Variants in HYDIN observed in about 807,000 individuals in gnomAD.
HYDIN encodes HYDIN axonemal central pair apparatus protein, also known as axonemal central pair apparatus protein HYDIN.
In HYDIN, 132 loss-of-function variants were observed where a neutral mutation model predicts 403.9. The ratio of observed to expected loss-of-function variants is 0.33; its 90% confidence interval spans 0.28 to 0.38. The LOEUF is 0.38. Among genes scored for constraint, HYDIN ranks in the 10% least tolerant of loss-of-function variants. The pLI is 1.00. For synonymous variants in HYDIN, 1,202 were observed against 1,891.7 expected (o/e 0.64, Z 9.46); for missense variants, 2,827 against 5,009.5 (o/e 0.56, Z 13.15).
chr16:70,891,031 C>T (rs1436805814), intron 57 of HYDIN, among the ~76,000 whole-genome samples: 1 of 151,146 alleles, frequency 6.6e-6, no homozygotes, highest in Non-Finnish European at 1.5e-5. Flanking sequence ...GCCAGGAGCA[C>T]CAGGACAACA....
intron 1 of HYDIN, among the ~76,000 whole-genome samples, chr16:71,216,146 T>C (rs747644860): frequency 6.6e-6 from 1 of 152,224 alleles, no homozygotes; most frequent in Non-Finnish European, 1.5e-5. Context: ...TGTATGCACA[T>C]GCTACAGAGA....
intron 18 of HYDIN, among the ~76,000 whole-genome samples, chr16:71,037,964 T>C (rs1443833796): frequency 6.6e-6 from 1 of 152,178 alleles, no homozygotes; most frequent in Non-Finnish European, 1.5e-5. Context: ...AAGAGAAACC[T>C]AATACAGGGT....
rs1425524376 is a variant in HYDIN at position 71,178,406 on chromosome 16, T to C, written c.381+522A>G. 4.2e-5 allele frequency among the ~76,000 whole-genome samples: 5 copies of C among 118,186 alleles called. No homozygotes were observed. In the Admixed American group the frequency reaches 4.5e-4, roughly 11 times the overall value. The allele number at this position is 118,186 out of a possible 152,430, so 77.5% of individuals were successfully genotyped here. A position where few individuals can be genotyped will look rare whatever the true frequency, so the allele number is the denominator to read the frequency against. Reference sequence around the variant, plus strand: ...TGCACTCCAGCCTGGGAAACAAGAGTGAAACTCTGTCTCAAAAAAAAAAAA... The same window carrying C: ...TGCACTCCAGCCTGGGAAACAAGAGCGAAACTCTGTCTCAAAAAAAAAAAA... On this transcript the variant is annotated intron_variant, in intron 4 of 85. Coordinates refer to ENST00000393567, the MANE Select transcript of HYDIN (RefSeq NM_001270974.2).
intron 48 of HYDIN, 94 bp downstream of exon 48, chr16:70,908,559 A>G (rs1311698184): frequency 1.3e-6 from 2 of 1,518,998 alleles, no homozygotes; most frequent in Non-Finnish European, 1.8e-6. Flanking sequence ...CCCCACAGAC[A>G]GGACAGCTCT....
intron 46 of HYDIN, among the ~76,000 whole-genome samples, chr16:70,919,209 T>C (rs2076926361): frequency 1.3e-5 from 2 of 152,232 alleles, no homozygotes; most frequent in African/African-American, 4.8e-5. Context: ...GTGGCAATTG[T>C]TGAATTACCA....
intron 1 of HYDIN, among the ~76,000 whole-genome samples, chr16:71,200,227 C>T (rs1325570926): frequency 6.6e-6 from 1 of 152,234 alleles, no homozygotes; most frequent in Non-Finnish European, 1.5e-5. Context: ...AATGGGCAAC[C>T]AGCAGCCCTC....
chr16:70,926,255 T>C (rs2077149502), intron 45 of HYDIN, among the ~76,000 whole-genome samples: 1 of 151,954 alleles, frequency 6.6e-6, no homozygotes, highest in Non-Finnish European at 1.5e-5. Flanking sequence ...ATGTGGCACA[T>C]AGACACCATG....
chr16:70,909,517 AC>A (rs1335342228), intron 47 of HYDIN, among the ~76,000 whole-genome samples: 1 of 51,196 alleles, frequency 2.0e-5, no homozygotes, highest in East Asian at 4.8e-4. Flanking sequence ...ATTTGAAGAT[AC>A]CTTGCAGACA....
intron 53 of HYDIN, among the ~76,000 whole-genome samples, chr16:70,896,474 T>A (rs1410945186): frequency 6.6e-6 from 1 of 152,062 alleles, no homozygotes; most frequent in East Asian, 1.9e-4. Context: ...CATCTCAGCC[T>A]CCCGAGTAGG....
intron 43 of HYDIN, among the ~76,000 whole-genome samples, chr16:70,939,095 G>C (rs1476603593): frequency 6.6e-6 from 1 of 152,168 alleles, no homozygotes; most frequent in Non-Finnish European, 1.5e-5. Flanking sequence ...TAATTATAAG[G>C]GTCCTTTCGA....
At chr16:71,187,038 C>T in intron 1 of HYDIN, 120 bp from the exon 2 acceptor site, 1 of 605,210 alleles carries the variant, frequency 1.7e-6, no homozygotes, top group Admixed American at 3.1e-5. Context: ...TTCCGAAATC[C>T]AAATGCTTGG....
chr16:71,047,146 G>A (rs1415055527), intron 18 of HYDIN, among the ~76,000 whole-genome samples: 2 of 152,048 alleles, frequency 1.3e-5, no homozygotes, highest in Non-Finnish European at 2.9e-5. Context: ...AGGCTTGCAA[G>A]GAATGCAGGA....
chr16:70,943,388 G>A (rs952010421), intron 42 of HYDIN, among the ~76,000 whole-genome samples: 13 of 152,140 alleles, frequency 8.5e-5, no homozygotes, highest in South Asian at 8.3e-4. Context: ...TACTATGTGT[G>A]TAGTATACAT....
At chr16:71,099,953 T>C (rs1913112) in intron 10 of HYDIN, among the ~76,000 whole-genome samples, 1 of 151,702 alleles carries the variant, frequency 6.6e-6, no homozygotes, top group African/African-American at 2.4e-5. Context: ...CAGTGAGCTA[T>C]GATCACATCA....
chr16:71,190,141 T>G (rs1339686640), intron 1 of HYDIN, among the ~76,000 whole-genome samples: 1 of 152,164 alleles, frequency 6.6e-6, no homozygotes, highest in African/African-American at 2.4e-5. Flanking sequence ...GATTGTAGTA[T>G]TCAAACACCA....
intron 40 of HYDIN, among the ~76,000 whole-genome samples, chr16:70,953,466 C>T (rs900040766): frequency 6.6e-6 from 1 of 152,076 alleles, no homozygotes; most frequent in East Asian, 1.9e-4. Context: ...AACTCCTCCT[C>T]GCTTCTCCCT....
intron 16 of HYDIN, chr16:71,062,641 A>C: frequency 1.3e-5 from 3 of 229,056 alleles, no homozygotes; most frequent in Non-Finnish European, 2.6e-5. Flanking sequence ...TCCACTTTCC[A>C]AGTTCCTTAA....
chr16:70,902,896 G>A (rs2076435003), intron 52 of HYDIN, among the ~76,000 whole-genome samples: 2 of 135,428 alleles, frequency 1.5e-5, no homozygotes, highest in Non-Finnish European at 3.0e-5. Flanking sequence ...TAGTTAGACT[G>A]CTTGATGTTG....
In HYDIN at chr16:70,922,355, G is replaced by A. The variant is rs554656202; in HGVS notation, c.7159-1138C>T. Among the ~76,000 whole-genome samples the A allele has an allele frequency of 5.9e-5, 9 of 152,364 alleles. No individual in the cohort carries two copies. The East Asian group carries it at 9.6e-4, about 16-fold the overall frequency. On this transcript the variant is annotated intron_variant, in intron 45 of 85. Transcript: ENST00000393567. Reference sequence around the variant, plus strand: ...ACTTGCAAGACTGTGGGAGCCCAGCGTAGAGCAGCTGGAGGCTAGCAGTAA... The same window carrying A: ...ACTTGCAAGACTGTGGGAGCCCAGCATAGAGCAGCTGGAGGCTAGCAGTAA...
Sources: allele counts gnomAD v4.1 joint callset (sites outside exome capture counted in the v4.1 genomes callset), GRCh38; gene constraint gnomAD v4.1.1; transcripts MANE v1.5; gene names NCBI Gene and HGNC (gene_info 2026-07-23, HGNC 2026-07-21).